ENTREP2: variants seen among roughly 807,000 people sequenced by gnomAD.
ENTREP2 encodes endosomal transmembrane epsin interactor 2.
the ENTREP2 span, among the ~76,000 whole-genome samples, chr15:29,534,627 C>T: frequency 6.6e-6 from 1 of 152,154 alleles, no homozygotes; most frequent in Non-Finnish European, 1.5e-5. Context: ...TGAGGGCTTA[C>T]TTATTGTTAA....
At chr15:29,268,472 A>T in the ENTREP2 span, 5 of 312,948 alleles carry the variant, frequency 1.6e-5, no homozygotes, top group Non-Finnish European at 2.9e-5. Flanking sequence ...GCACCAAAGC[A>T]ACTTACTTAT....
chr15:29,445,953 T>C, the ENTREP2 span, among the ~76,000 whole-genome samples: 1 of 152,210 alleles, frequency 6.6e-6, no homozygotes, highest in Non-Finnish European at 1.5e-5. Context: ...GCTTGCTGTA[T>C]GGGAAAACAT....
At chr15:29,382,886 T>G in the ENTREP2 span, among the ~76,000 whole-genome samples, 1 of 152,082 alleles carries the variant, frequency 6.6e-6, no homozygotes, top group African/African-American at 2.4e-5. Context: ...CCAAGGAAAC[T>G]TCTCCCAAGG....
the ENTREP2 span, among the ~76,000 whole-genome samples, chr15:29,260,047 T>C: frequency 2.6e-5 from 4 of 152,018 alleles, no homozygotes; most frequent in Admixed American, 6.6e-5. Flanking sequence ...AAATAGAAAT[T>C]CTCAATATCT....
the ENTREP2 span, among the ~76,000 whole-genome samples, chr15:29,665,085 C>T: frequency 1.3e-5 from 2 of 152,238 alleles, no homozygotes. Flanking sequence ...CTCTCCCACA[C>T]CTGGGGAGTT....
the ENTREP2 span, among the ~76,000 whole-genome samples, chr15:29,118,754 G>A: frequency 6.6e-6 from 1 of 152,154 alleles, no homozygotes; most frequent in Non-Finnish European, 1.5e-5. Flanking sequence ...CTGCACCTGT[G>A]GGTCCTTTGC....
the ENTREP2 span, among the ~76,000 whole-genome samples, chr15:29,655,045 T>G: frequency 7.9e-5 from 12 of 152,200 alleles, no homozygotes; most frequent in Non-Finnish European, 1.5e-4. Context: ...TCTGAAATGC[T>G]GCTGCACCAT....
At chr15:29,657,483 C>CGGGGGGGG in the ENTREP2 span, among the ~76,000 whole-genome samples, 50 of 69,382 alleles carry the variant, frequency 7.2e-4, no homozygotes, top group South Asian at 2.2e-3. Flanking sequence ...GCTGGGGGGG[C>CGGGGGGGG]GGGGGGGGGG....
chr15:29,139,796 G>A, the ENTREP2 span, among the ~76,000 whole-genome samples: 1 of 152,162 alleles, frequency 6.6e-6, no homozygotes, highest in Non-Finnish European at 1.5e-5. Context: ...CCTCCCCAGC[G>A]AGAATCCTGC....
the ENTREP2 span, among the ~76,000 whole-genome samples, chr15:29,211,819 G>T: frequency 6.6e-6 from 1 of 152,132 alleles, no homozygotes; most frequent in Non-Finnish European, 1.5e-5. Context: ...TGCATCCCTG[G>T]TATGAAACCC....
chr15:29,489,129 G>C, the ENTREP2 span, among the ~76,000 whole-genome samples: 2 of 141,562 alleles, frequency 1.4e-5, no homozygotes, highest in East Asian at 4.1e-4. Context: ...TTTCACCTCA[G>C]TAAAGAAAAA....
At chr15:29,648,418 G>A in the ENTREP2 span, among the ~76,000 whole-genome samples, 1,037 of 152,308 alleles carry the variant, frequency 6.8e-3, 18 homozygotes, top group African/African-American at 0.023. Context: ...CAGGCTGGCT[G>A]CTGTTGTTGG....
the ENTREP2 span, among the ~76,000 whole-genome samples, chr15:29,244,668 C>T: frequency 1.3e-5 from 2 of 152,334 alleles, no homozygotes; most frequent in Middle Eastern, 3.4e-3. Flanking sequence ...ATAAAAACAA[C>T]TGATGGAAAA....
the ENTREP2 span, among the ~76,000 whole-genome samples, chr15:29,542,942 G>A: frequency 1.3e-5 from 2 of 152,160 alleles, no homozygotes; most frequent in Non-Finnish European, 2.9e-5. Context: ...TCCATGGTAT[G>A]GAGAGACCCC....
At chr15:29,578,749 C>G in the ENTREP2 span, among the ~76,000 whole-genome samples, 1 of 152,198 alleles carries the variant, frequency 6.6e-6, no homozygotes, top group Admixed American at 6.5e-5. Context: ...GCACTTAGCA[C>G]AGTCCTAGCA....
At chr15:29,579,185 A>T in the ENTREP2 span, among the ~76,000 whole-genome samples, 11 of 152,242 alleles carry the variant, frequency 7.2e-5, no homozygotes, top group African/African-American at 2.7e-4. Context: ...GTCACCTTCA[A>T]TCAGAACTCC....
chr15:29,429,308 A>G, the ENTREP2 span, among the ~76,000 whole-genome samples: 1 of 152,118 alleles, frequency 6.6e-6, no homozygotes, highest in Non-Finnish European at 1.5e-5. Flanking sequence ...TGCAGCCTCA[A>G]CCTTTCAGGC....
chr15:29,166,238 A>G, the ENTREP2 span, among the ~76,000 whole-genome samples: 1 of 152,160 alleles, frequency 6.6e-6, no homozygotes, highest in Non-Finnish European at 1.5e-5. Flanking sequence ...AAAAACTGAA[A>G]GCGTTCCCTC....
the ENTREP2 span, among the ~76,000 whole-genome samples, chr15:29,215,678 CT>C: frequency 6.6e-6 from 1 of 151,884 alleles, no homozygotes; most frequent in Non-Finnish European, 1.5e-5. Flanking sequence ...TTAACTGCTG[CT>C]GCTTTAAAGT....
Sources: allele counts gnomAD v4.1 joint callset (sites outside exome capture counted in the v4.1 genomes callset), GRCh38; gene constraint gnomAD v4.1.1; transcripts MANE v1.5; gene names NCBI Gene and HGNC (gene_info 2026-07-23, HGNC 2026-07-21).